Variants in NRXN3 observed in about 807,000 individuals in gnomAD.
The protein encoded by NRXN3 is neurexin III.
In NRXN3, 32 loss-of-function variants were observed where a neutral mutation model predicts 137.6. The ratio of observed to expected loss-of-function variants is 0.23; its 90% CI spans 0.18 to 0.31. NRXN3 has a LOEUF of 0.31. Ranked by LOEUF, NRXN3 falls within the 10% of genes least tolerant of loss-of-function variation. The pLI, the probability that NRXN3 is intolerant of heterozygous loss-of-function variation, is 1.00. For missense variants in NRXN3, 1,574 were observed against 2,062.5 expected, an observed-to-expected ratio of 0.76 and a Z score of 4.59; for synonymous variants, 798 against 784.5, an observed-to-expected ratio of 1.02 and a Z score of -0.29.
At chr14:79,761,684 C>CAAAAA (rs10599873) in intron 19 of NRXN3, among the ~76,000 whole-genome samples, 11 of 78,864 alleles carry the variant, frequency 1.4e-4, no homozygotes, top group African/African-American at 5.3e-4. Flanking sequence ...GACTCTGTCT[C>CAAAAA]AAAAAAAAAA....
At chr14:78,500,583 C>G (rs1284377291) in intron 4 of NRXN3, among the ~76,000 whole-genome samples, 1 of 152,116 alleles carries the variant, frequency 6.6e-6, no homozygotes, top group East Asian at 1.9e-4. Flanking sequence ...CCCCTGCCAA[C>G]CCCCGCCAAA....
chr14:78,604,076 G>A (rs1222968696), intron 4 of NRXN3, among the ~76,000 whole-genome samples: 2 of 152,176 alleles, frequency 1.3e-5, no homozygotes, highest in East Asian at 1.9e-4. Flanking sequence ...ACGGAGGCAG[G>A]CTAGAGAGAA....
At chr14:78,561,658 TCCTACTCTAC>T (rs2096787396) in intron 4 of NRXN3, among the ~76,000 whole-genome samples, 2 of 152,284 alleles carry the variant, frequency 1.3e-5, no homozygotes, top group Admixed American at 1.3e-4. Flanking sequence ...TGATTTTCAG[TCCTACTCTAC>T]CTCGAACACT....
At chr14:78,968,392 A>C in intron 14 of NRXN3, 46 bp downstream of exon 14, 1 of 1,578,254 alleles carries the variant, frequency 6.3e-7, no homozygotes. Flanking sequence ...TGTTGCAAGC[A>C]CCAAGCCTCT....
chr14:78,455,816 A>T (rs1307377818), intron 4 of NRXN3, among the ~76,000 whole-genome samples: 2 of 152,056 alleles, frequency 1.3e-5, no homozygotes, highest in African/African-American at 2.4e-5. Context: ...CCCAGAACTC[A>T]ATTTGTTGAG....
chr14:78,535,497 A>G (rs1476679866), intron 4 of NRXN3, among the ~76,000 whole-genome samples: 1 of 152,204 alleles, frequency 6.6e-6, no homozygotes, highest in African/African-American at 2.4e-5. Context: ...TTAAGAAGCT[A>G]CTTAAGTATT....
intron 20 of NRXN3, among the ~76,000 whole-genome samples, chr14:79,855,114 G>GA (rs1373321539): frequency 6.6e-6 from 1 of 152,094 alleles, no homozygotes; most frequent in Non-Finnish European, 1.5e-5. Flanking sequence ...ATTCTACCAA[G>GA]AAAACATGAT....
chr14:78,319,879 A>G (rs2079128400), intron 4 of NRXN3, among the ~76,000 whole-genome samples: 1 of 152,244 alleles, frequency 6.6e-6, no homozygotes, highest in South Asian at 2.1e-4. Context: ...TGCTTAAGAA[A>G]TATAATCTGA....
intron 15 of NRXN3, among the ~76,000 whole-genome samples, chr14:79,191,711 G>A (rs183767106): frequency 2.2e-4 from 34 of 152,192 alleles, no homozygotes; most frequent in South Asian, 8.3e-4. Flanking sequence ...CAGTTAGAAC[G>A]ACTTACTAAG....
At chr14:78,305,036 A>G (rs2077223219) in intron 4 of NRXN3, among the ~76,000 whole-genome samples, 1 of 152,198 alleles carries the variant, frequency 6.6e-6, no homozygotes, top group Non-Finnish European at 1.5e-5. Context: ...GGAGAAAAAG[A>G]TTCCTTCAAG....
intron 4 of NRXN3, among the ~76,000 whole-genome samples, chr14:78,373,422 G>A (rs964430994): frequency 1.3e-5 from 2 of 152,212 alleles, no homozygotes; most frequent in African/African-American, 2.4e-5. Flanking sequence ...TTCCACCTGT[G>A]TGGAGATAGC....
chr14:79,757,982 C>T (rs1345592749), intron 19 of NRXN3, among the ~76,000 whole-genome samples: 1 of 152,084 alleles, frequency 6.6e-6, no homozygotes, highest in East Asian at 1.9e-4. Context: ...TTTTTTTCCC[C>T]TCCAATAAAT....
At chr14:78,940,041 A>G (rs1404665548) in intron 10 of NRXN3, among the ~76,000 whole-genome samples, 2 of 152,204 alleles carry the variant, frequency 1.3e-5, no homozygotes, top group African/African-American at 4.8e-5. Flanking sequence ...GAGATAAAAC[A>G]CAAAGTTTTC....
intron 4 of NRXN3, among the ~76,000 whole-genome samples, chr14:78,428,151 T>C (rs372671505): frequency 8.3e-4 from 127 of 152,340 alleles, no homozygotes; most frequent in African/African-American, 2.9e-3. Context: ...GCACCTGCCA[T>C]GTAGTTGAGA....
At chr14:78,779,914 A>G (rs981688704) in intron 8 of NRXN3, among the ~76,000 whole-genome samples, 3 of 152,140 alleles carry the variant, frequency 2.0e-5, no homozygotes, top group Non-Finnish European at 4.4e-5. Flanking sequence ...ACACATTTCC[A>G]CTCAAAACTC....
chr14:78,191,316 G>A (rs868111087), intron 1 of NRXN3, among the ~76,000 whole-genome samples: 1 of 152,152 alleles, frequency 6.6e-6, no homozygotes, highest in Non-Finnish European at 1.5e-5. Flanking sequence ...TACAGACAGA[G>A]CATGGTGGCT....
Position 79,231,577 on chromosome 14 carries a change from T to C in NRXN3, c.3263-235644T>C, listed in dbSNP as rs2072210069. ...CAATGCTAATTTGTTTCTCCAGGCATACTTGCCTCAGACTTAAGGACTAAG... is the reference window on the plus strand; with the variant it reads ...CAATGCTAATTTGTTTCTCCAGGCACACTTGCCTCAGACTTAAGGACTAAG... On this transcript the variant is annotated intron_variant, in intron 15 of 20. Coordinates refer to ENST00000335750, the MANE Select transcript of NRXN3 (RefSeq NM_001330195.2). Among the ~76,000 whole-genome samples, 3 of 152,164 alleles carry C rather than the reference T, an allele frequency of 2.0e-5. No homozygotes were observed. The South Asian group carries it at 6.2e-4, about 31-fold the overall frequency.
chr14:78,544,322 A>G (rs1260629371), intron 4 of NRXN3, among the ~76,000 whole-genome samples: 1 of 152,212 alleles, frequency 6.6e-6, no homozygotes, highest in African/African-American at 2.4e-5. Context: ...CTTAACTTGT[A>G]GGCATGCAGT....
intron 10 of NRXN3, among the ~76,000 whole-genome samples, chr14:78,910,664 T>G (rs1026573891): frequency 6.6e-6 from 1 of 152,092 alleles, no homozygotes; most frequent in Non-Finnish European, 1.5e-5. Context: ...TTCATTTTCT[T>G]TATGGATCCT....
Sources: allele counts gnomAD v4.1 joint callset (sites outside exome capture counted in the v4.1 genomes callset), GRCh38; gene constraint gnomAD v4.1.1; transcripts MANE v1.5; gene names NCBI Gene and HGNC (gene_info 2026-07-23, HGNC 2026-07-21).